ATRX: variants seen among roughly 807,000 people sequenced by gnomAD.
The protein encoded by ATRX is ATRX chromatin remodeler, also known as chromatin remodeler ATRX.
ATRX carries 12 observed loss-of-function variants against 172.6 expected under a neutral mutation model. The observed-to-expected ratio is 0.07, with a 90% CI of 0.04 to 0.11. The LOEUF is 0.11. Among genes scored for constraint, ATRX ranks in the 10% least tolerant of loss-of-function variants. ATRX has a pLI of 1.00. For synonymous variants in ATRX, 674 were observed against 594.7 expected (o/e 1.13, Z -1.94); for missense variants, 1,368 against 1,767.4 (o/e 0.77, Z 4.05).
intron 1 of ATRX, among the ~76,000 whole-genome samples, chrX:77,740,906 C>G (rs1269786353): frequency 9.0e-6 from 1 of 110,831 alleles, no homozygotes; most frequent in Non-Finnish European, 1.9e-5. Flanking sequence ...TGCTTGAGCT[C>G]AGGAGTTCGA....
chrX:77,767,655 A>G (rs1053344545), intron 1 of ATRX, among the ~76,000 whole-genome samples: 2 of 111,395 alleles, frequency 1.8e-5, no homozygotes, highest in East Asian at 5.6e-4. Flanking sequence ...TCAGCCTCCC[A>G]AAGTGCTGGG....
At chrX:77,745,173 GA>G (rs1247509964) in intron 1 of ATRX, among the ~76,000 whole-genome samples, 1,375 of 27,412 alleles carry the variant, frequency 0.05, 9 homozygotes, top group Middle Eastern at 0.15. Flanking sequence ...TCTCAAAAAT[GA>G]AAAAAAAAAA....
chrX:77,690,070 T>C (rs889175173), intron 6 of ATRX, among the ~76,000 whole-genome samples: 29 of 112,110 alleles, frequency 2.6e-4, no homozygotes, highest in African/African-American at 8.4e-4. Context: ...TTTTTATTTG[T>C]AGAAACTTTA....
intron 1 of ATRX, among the ~76,000 whole-genome samples, chrX:77,760,250 GCAAA>G (rs1266065566): frequency 6.8e-5 from 7 of 102,609 alleles, no homozygotes; most frequent in Admixed American, 1.1e-4. Flanking sequence ...ACAACATTGA[GCAAA>G]CAAACAAAAA....
Sources: allele counts gnomAD v4.1 joint callset (sites outside exome capture counted in the v4.1 genomes callset), GRCh38; gene constraint gnomAD v4.1.1; transcripts MANE v1.5; gene names NCBI Gene and HGNC (gene_info 2026-07-23, HGNC 2026-07-21).